THAP12: variants seen among roughly 807,000 people sequenced by gnomAD.
THAP12 encodes the protein THAP domain containing 12.
A neutral mutation model predicts 63.0 loss-of-function variants in THAP12; 20 were observed. That is an observed-to-expected ratio of 0.32 (90% CI 0.22 to 0.46). The LOEUF (loss-of-function observed/expected upper bound fraction) is 0.46, where lower values mean the gene tolerates loss of function less well. THAP12 is among the 20% of genes least tolerant of loss of function. The pLI is 1.00. For synonymous variants in THAP12, 264 were observed against 328.4 expected (o/e 0.80, Z 2.12); for missense variants, 568 against 908.2 (o/e 0.63, Z 4.81).
At position 76,351,584 on chromosome 11, in the gene THAP12, G is replaced by A. The variant is rs764765183; in HGVS notation, c.1566C>T (p.Asn522=). 80 of 1,585,766 alleles carry A rather than the reference G, an allele frequency of 5.0e-5. No homozygotes were observed. Among genetic ancestry groups the A allele is most frequent in the Non-Finnish European group, 5.8e-5 (67 of 1,162,342 alleles). Residue 522 remains asparagine (N), a synonymous_variant, in exon 5 of 5, where the codon AAC becomes AAT. Coordinates refer to ENST00000260045, the MANE Select transcript of THAP12 (RefSeq NM_004705.4). The part of the protein sequence containing the change: ...GSLTAVLHSL[N]EVMENIEVYH... ...AAACTTCAATATTTTCCATCACTTC[G>A]TTGAGTGAATGCAGTACTGCAGTCA...
chr11:76,379,962 T>G (rs1946740036), intron 1 of THAP12, among the ~76,000 whole-genome samples: 1 of 152,182 alleles, frequency 6.6e-6, no homozygotes, highest in Admixed American at 6.5e-5. Flanking sequence ...ACACCCTTAT[T>G]CACCCATGAA....
At chr11:76,372,009 C>T (rs1382303514) in intron 1 of THAP12, among the ~76,000 whole-genome samples, 2 of 151,906 alleles carry the variant, frequency 1.3e-5, no homozygotes, top group Admixed American at 6.6e-5. Context: ...GATGGGGTTT[C>T]GCTATGTTGG....
At chr11:76,352,870 TA>T in intron 4 of THAP12, 76 bp from the exon 5 acceptor site, 1 of 1,432,912 alleles carries the variant, frequency 7.0e-7, no homozygotes, top group Non-Finnish European at 9.2e-7. Context: ...CATCTTTGGT[TA>T]AATATTTAAA....
At chr11:76,367,992 C>T (rs1946643675) in intron 1 of THAP12, among the ~76,000 whole-genome samples, 1 of 152,150 alleles carries the variant, frequency 6.6e-6, no homozygotes, top group Non-Finnish European at 1.5e-5. Flanking sequence ...TGATTATAAA[C>T]ATTTCATGTT....
chr11:76,351,938 T>C lies in THAP12; in HGVS notation c.1212A>G (p.Val404=), dbSNP rs965534319. Residue 404 remains valine (V), a synonymous_variant, in exon 5 of 5, where the codon GTA becomes GTG. Transcript: ENST00000260045. ...SPQLLLELDN[V]ISVLFQNSKE... ...TACTGTTCTGAAAAAGAACAGAAAT[T>C]ACGTTGTCAAGTTCTAAAAGCAGTT... The C allele has an allele frequency of 1.9e-6, 3 of 1,597,570 alleles. No individual in the cohort carries two copies. The African/African-American group carries it at 4.1e-5, about 22-fold the overall frequency.
In THAP12 at chr11:76,380,942, G is replaced by T. The variant is rs1228902629; in HGVS notation, c.-106C>A. Reference sequence around the variant, plus strand: ...GGGAGCCAGGCCGGCCGGCCGGCTCGGCAGGGCCGACGCGCGGGGGAGGGG... The same window carrying T: ...GGGAGCCAGGCCGGCCGGCCGGCTCTGCAGGGCCGACGCGCGGGGGAGGGG... On this transcript the variant is annotated 5_prime_UTR_variant, in exon 1 of 5. Transcript: ENST00000260045. 1 of 597,396 alleles carries T rather than the reference G, an allele frequency of 1.7e-6. No individual in the cohort carries two copies. The highest frequency in any genetic ancestry group is 2.3e-6 in the Non-Finnish European group (1 of 427,280). 37.0% of individuals were successfully genotyped at this position (597,396 alleles called of 1,614,324 possible). A position where few individuals can be genotyped will look rare whatever the true frequency, so the allele number is the denominator to read the frequency against.
At chr11:76,365,720 C>A in intron 2 of THAP12, 132 bp downstream of exon 2, 1 of 1,194,388 alleles carries the variant, frequency 8.4e-7, no homozygotes, top group East Asian at 2.6e-5. Flanking sequence ...AGCTCCAAAT[C>A]TGTCTTCATC....
chr11:76,352,554 T>C lies in THAP12; in HGVS notation c.596A>G (p.Asp199Gly), dbSNP rs1946534719. Residue 199 changes from aspartate to glycine, a missense_variant, in exon 5 of 5, where the codon GAT becomes GGT. Asp to Gly is a moderately conservative substitution (Grantham distance 94). Transcript: ENST00000260045. ...DEIPEGLFTP[D>G]NFQALLECRI... Reference sequence around the variant, plus strand: ...ACACTCCAGCAGTGCCTGAAAGTTATCTGGAGTAAAGAGACCTTCTGGGAT... The same window carrying C: ...ACACTCCAGCAGTGCCTGAAAGTTACCTGGAGTAAAGAGACCTTCTGGGAT... 1 of 1,611,914 alleles carries C rather than the reference T, an allele frequency of 6.2e-7. No individual in the cohort carries two copies. Among genetic ancestry groups the C allele is most frequent in the Non-Finnish European group, 8.5e-7 (1 of 1,179,840 alleles).
rs370155121 is a variant in THAP12 at position 76,351,373 on chromosome 11, T to C, written c.1777A>G (p.Ile593Val). 4.7e-5 allele frequency: 76 copies of C among 1,601,154 alleles called. No homozygotes were observed. The highest frequency in any genetic ancestry group is 6.7e-5 in the African/African-American group (5 of 74,752). The change falls in exon 5 of 5, where the codon ATA becomes GTA. Residue 593 changes from isoleucine to valine, a missense_variant. Ile to Val is a conservative substitution (Grantham distance 29, BLOSUM62 3). Transcript: ENST00000260045. ...GCTTTGAGGTGCTGTTCTGAGAATA[T>C]ATCTTTAAGTTCCTGAATAATGTGC... ...VEHIIQELKD[I>V]FSEQHLKALK...
chr11:76,361,095 G>A (rs753714598), intron 2 of THAP12, 32 bp from the exon 3 acceptor site: 1 of 1,386,572 alleles, frequency 7.2e-7, no homozygotes, highest in Non-Finnish European at 1.0e-6. Context: ...ATTCAGAGAT[G>A]GTCCTTATAA....
chr11:76,361,911 T>C (rs546386421), intron 2 of THAP12, among the ~76,000 whole-genome samples: 1 of 152,346 alleles, frequency 6.6e-6, no homozygotes, highest in Non-Finnish European at 1.5e-5. Context: ...ACGCCACAAG[T>C]GATACTGATA....
At position 76,370,175 on chromosome 11, in the gene THAP12, T is replaced by C. The variant is rs1590805350; in HGVS notation, c.90-4203A>G. Among the ~76,000 whole-genome samples the C allele has an allele frequency of 4.6e-5, 7 of 152,272 alleles. No homozygotes were observed. The South Asian group carries it at 1.5e-3, about 32-fold the overall frequency. ...CCCAAAACCTAACTAATCCAAGGTATGTGAAGTCACAGTGGCTACCACTGG... is the reference window on the plus strand; with the variant it reads ...CCCAAAACCTAACTAATCCAAGGTACGTGAAGTCACAGTGGCTACCACTGG... On this transcript the variant is annotated intron_variant, in intron 1 of 4. Transcript: ENST00000260045.
At chr11:76,354,889 C>T (rs1290474511) in intron 4 of THAP12, among the ~76,000 whole-genome samples, 1 of 152,152 alleles carries the variant, frequency 6.6e-6, no homozygotes. Context: ...CACCCTGTTT[C>T]GTGCACAGAA....
chr11:76,353,596 G>A (rs1458283119), intron 4 of THAP12, among the ~76,000 whole-genome samples: 1 of 152,202 alleles, frequency 6.6e-6, no homozygotes, highest in Non-Finnish European at 1.5e-5. Flanking sequence ...CTCTTCACAG[G>A]GGATAGGAAA....
At chr11:76,368,077 T>C (rs981809366) in intron 1 of THAP12, among the ~76,000 whole-genome samples, 4 of 152,238 alleles carry the variant, frequency 2.6e-5, no homozygotes, top group African/African-American at 9.6e-5. Context: ...TTGTTTGTTT[T>C]TTAAATTCTT....
chr11:76,370,496 GGGACTACAGGCACAC>G (rs1290709387), intron 1 of THAP12, among the ~76,000 whole-genome samples: 4 of 151,796 alleles, frequency 2.6e-5, no homozygotes, highest in Admixed American at 2.6e-4. Context: ...CCATGTAGCT[GGGACTACAGGCACAC>G]GCCACCATGC....
At chr11:76,378,868 CA>C (rs1946729789) in intron 1 of THAP12, among the ~76,000 whole-genome samples, 1 of 152,132 alleles carries the variant, frequency 6.6e-6, no homozygotes, top group South Asian at 2.1e-4. Context: ...TTAGGCCTCC[CA>C]AAGTGCTGGG....
At position 76,363,849 on chromosome 11, in the gene THAP12, G is replaced by T. The variant is rs138506123; in HGVS notation, c.210+2003C>A. ...TCAAACTCCTGACCGCAAATGATCT[G>T]CCCGCCTCAGCCTCCCAAAGTGCTG... On this transcript the variant is annotated intron_variant, in intron 2 of 4. Transcript: ENST00000260045. Among the ~76,000 whole-genome samples, 202 of 152,224 alleles carry T rather than the reference G, an allele frequency of 1.3e-3. 2 individuals are homozygous for T. The highest frequency in any genetic ancestry group is 4.6e-3 in the African/African-American group (191 of 41,520).
chr11:76,379,651 T>TA (rs1946736470), intron 1 of THAP12, among the ~76,000 whole-genome samples: 2 of 152,208 alleles, frequency 1.3e-5, no homozygotes, highest in Non-Finnish European at 2.9e-5. Context: ...AAAATAGCAA[T>TA]TGTGCGTCCC....
Sources: gnomAD v4.1 joint callset for allele counts (sites outside exome capture counted in the v4.1 genomes callset) on GRCh38, gnomAD v4.1.1 for gene constraint, MANE v1.5 for transcripts, NCBI Gene and HGNC (gene_info 2026-07-23, HGNC 2026-07-21) for gene names.